The following ARHGAP10 variants were observed in gnomAD, a reference collection of about 807,000 sequenced individuals.
The protein encoded by ARHGAP10 is rho GTPase-activating protein 10.
ARHGAP10 carries 87 observed loss-of-function variants against 108.6 expected under a neutral mutation model. The observed-to-expected ratio is 0.80, with a 90% CI of 0.67 to 0.96. The LOEUF is 0.96. Ranked by LOEUF, ARHGAP10 falls within the 40% of genes least tolerant of loss-of-function variation. The probability of loss-of-function intolerance (pLI) is 0.00; values close to 1 mark genes in which losing one functional copy is unlikely to be tolerated. For missense variants in ARHGAP10, 939 were observed against 954.5 expected (o/e 0.98, Z 0.21); for synonymous variants, 347 against 341.1 (o/e 1.02, Z -0.19).
At chr4:147,752,462 A>T (rs990391912) in intron 1 of ARHGAP10, among the ~76,000 whole-genome samples, 1 of 152,336 alleles carries the variant, frequency 6.6e-6, no homozygotes, top group Admixed American at 6.5e-5. Context: ...CTTTTAAACA[A>T]AGCAGACTTT....
intron 18 of ARHGAP10, among the ~76,000 whole-genome samples, chr4:147,996,515 G>A (rs530236258): frequency 6.6e-6 from 1 of 152,266 alleles, no homozygotes; most frequent in Admixed American, 6.5e-5. Flanking sequence ...AGACTCCCTG[G>A]GGGACTGAAG....
chr4:147,742,686 A>G (rs1016063156), intron 1 of ARHGAP10, among the ~76,000 whole-genome samples: 4 of 151,626 alleles, frequency 2.6e-5, no homozygotes, highest in African/African-American at 7.3e-5. Context: ...GGGTTTCACC[A>G]TGTTTGCCAG....
intron 13 of ARHGAP10, among the ~76,000 whole-genome samples, chr4:147,939,309 T>A (rs1274792807): frequency 6.6e-6 from 1 of 152,172 alleles, no homozygotes; most frequent in Admixed American, 6.5e-5. Flanking sequence ...TGATATTGAT[T>A]TGAAGTTTCA....
intron 8 of ARHGAP10, among the ~76,000 whole-genome samples, chr4:147,875,741 A>T (rs769942982): frequency 2.0e-5 from 3 of 152,344 alleles, no homozygotes; most frequent in Non-Finnish European, 2.9e-5. Flanking sequence ...CCTACGTGGC[A>T]TCCTAACTTG....
intron 1 of ARHGAP10, among the ~76,000 whole-genome samples, chr4:147,787,674 C>G (rs1262599408): frequency 6.6e-6 from 1 of 152,188 alleles, no homozygotes; most frequent in Non-Finnish European, 1.5e-5. Context: ...TCGTGCTTCC[C>G]TGGCTCAGCC....
intron 1 of ARHGAP10, among the ~76,000 whole-genome samples, chr4:147,736,340 C>G (rs928488340): frequency 2.6e-5 from 4 of 152,134 alleles, no homozygotes; most frequent in Non-Finnish European, 5.9e-5. Context: ...TAAAAGTTCT[C>G]TTTGGCTGTC....
chr4:148,063,351 G>A (rs1729712085), intron 21 of ARHGAP10, 51 bp downstream of exon 21: 1 of 1,607,956 alleles, frequency 6.2e-7, no homozygotes. Flanking sequence ...CACACAGGGG[G>A]CTTGATGAAC....
At chr4:147,806,691 C>G (rs1461838864) in intron 1 of ARHGAP10, among the ~76,000 whole-genome samples, 1 of 152,060 alleles carries the variant, frequency 6.6e-6, no homozygotes, top group African/African-American at 2.4e-5. Context: ...TGTGACAAAC[C>G]CTTCAGGCGC....
rs768609162 is a variant in ARHGAP10, at chr4:147,966,662, C to T, written c.1557-18C>T. 5 of 1,539,082 alleles carry T rather than the reference C, an allele frequency of 3.2e-6. 1 individual carries two copies. The South Asian group carries it at 5.1e-5, about 16-fold the overall frequency. On this transcript the variant is annotated intron_variant, in intron 17 of 22. Coordinates refer to ENST00000336498, the MANE Select transcript of ARHGAP10 (RefSeq NM_024605.4). ...GCTCCTTTGGTTAAACAGATTCCTC[C>T]CCCCTTACCAATTTCAGTGTTTCAA...
At position 147,881,824 on chromosome 4, in the gene ARHGAP10, ATG is replaced by A. The variant is rs1560807343; in HGVS notation, c.940-13_940-12del. 3 of 1,613,012 alleles carry A rather than the reference ATG, an allele frequency of 1.9e-6. No homozygotes were observed. The highest frequency in any genetic ancestry group is 1.7e-4 in the Middle Eastern group (1 of 6,060). ...CCTGTAGGTTTTGAGAATGTTCAAAATGATTATTTGCAGGGGGACGGAGAGGT... is the reference window on the plus strand; with the variant it reads ...CCTGTAGGTTTTGAGAATGTTCAAAAATTATTTGCAGGGGGACGGAGAGGT... On this transcript the variant is annotated splice_polypyrimidine_tract_variant and intron_variant, in intron 9 of 22. Transcript: ENST00000336498.
At chr4:147,788,092 C>T (rs185367449) in intron 1 of ARHGAP10, among the ~76,000 whole-genome samples, 13 of 152,116 alleles carry the variant, frequency 8.5e-5, no homozygotes, top group East Asian at 7.7e-4. Context: ...ACACCCCTGC[C>T]GTTCCACATG....
At chr4:148,047,552 A>G (rs1728944021) in intron 20 of ARHGAP10, among the ~76,000 whole-genome samples, 1 of 152,266 alleles carries the variant, frequency 6.6e-6, no homozygotes, top group Non-Finnish European at 1.5e-5. Flanking sequence ...AGTTTGGTTT[A>G]GTGCCAGGCA....
chr4:148,043,766 GTATA>G (rs1553975439), intron 19 of ARHGAP10, among the ~76,000 whole-genome samples: 1 of 141,638 alleles, frequency 7.1e-6, no homozygotes, highest in African/African-American at 2.6e-5. Context: ...ATATATATGT[GTATA>G]TATATGTATA....
chr4:148,028,049 T>A (rs565028317), intron 19 of ARHGAP10, among the ~76,000 whole-genome samples: 168 of 152,276 alleles, frequency 1.1e-3, no homozygotes, highest in South Asian at 0.01. Context: ...GTTCCCATTC[T>A]GTTTGTCACT....
chr4:147,763,496 G>C (rs1729669985), intron 1 of ARHGAP10, among the ~76,000 whole-genome samples: 1 of 152,070 alleles, frequency 6.6e-6, no homozygotes, highest in East Asian at 1.9e-4. Context: ...GTTTTTAGTA[G>C]AGATGGGGTT....
At chr4:147,839,315 G>C (rs1337506827) in intron 3 of ARHGAP10, among the ~76,000 whole-genome samples, 1 of 152,148 alleles carries the variant, frequency 6.6e-6, no homozygotes, top group Non-Finnish European at 1.5e-5. Flanking sequence ...GTATCTGGAA[G>C]GTCATGGGAG....
At chr4:148,013,760 G>A (rs183431032) in intron 18 of ARHGAP10, among the ~76,000 whole-genome samples, 61 of 152,288 alleles carry the variant, frequency 4.0e-4, no homozygotes, top group African/African-American at 1.3e-3. Context: ...AAGAAAAATA[G>A]CATTCACGTT....
At position 147,847,208 on chromosome 4, in the gene ARHGAP10, C is replaced by G. The variant is rs941061464; in HGVS notation, c.370C>G (p.Leu124Val). The G allele has an allele frequency of 5.2e-5, 84 of 1,612,324 alleles. No homozygotes were observed. Among genetic ancestry groups the G allele is most frequent in the Non-Finnish European group, 6.4e-5 (76 of 1,178,656 alleles). The change falls in exon 4 of 23, where the codon CTT (leucine) becomes GTT (valine). Residue 124 changes from leucine (L) to valine (V), a missense_variant. By Grantham distance (32) the Leu-to-Val change is conservative. Coordinates refer to ENST00000336498, the MANE Select transcript of ARHGAP10 (RefSeq NM_024605.4). ...KPLEKFRKEQ[L>V]GAVKEEKKKF... ...CTTGGAAAAATTCAGAAAAGAGCAACTTGGAGCTGTAAAGGTTTGTGTCTA... is the reference window on the plus strand; with the variant it reads ...CTTGGAAAAATTCAGAAAAGAGCAAGTTGGAGCTGTAAAGGTTTGTGTCTA...
intron 13 of ARHGAP10, among the ~76,000 whole-genome samples, chr4:147,929,353 A>G (rs1162350363): frequency 6.6e-6 from 1 of 152,168 alleles, no homozygotes; most frequent in Non-Finnish European, 1.5e-5. Context: ...GAATAGAGAG[A>G]ATCATTCTTC....
Sources: allele counts gnomAD v4.1 joint callset (sites outside exome capture counted in the v4.1 genomes callset), GRCh38; gene constraint gnomAD v4.1.1; transcripts MANE v1.5; gene names NCBI Gene and HGNC (gene_info 2026-07-23, HGNC 2026-07-21).